Variants in GRK3 observed in about 807,000 individuals in gnomAD.
GRK3 encodes adrenergic, beta, receptor kinase 2.
GRK3 carries 54 observed loss-of-function variants against 95.7 expected under a neutral mutation model. The ratio of observed to expected loss-of-function variants is 0.56; its 90% CI spans 0.45 to 0.71. The LOEUF (loss-of-function observed/expected upper bound fraction) is 0.71. Ranked by LOEUF, GRK3 falls within the 30% of genes least tolerant of loss-of-function variation. GRK3 has a pLI of 0.00. For missense variants in GRK3, 649 were observed against 851.2 expected (o/e 0.76, Z 2.96); for synonymous variants, 281 against 290.8 (o/e 0.97, Z 0.34).
At chr22:25,636,781 A>G (rs910231957) in intron 2 of GRK3, among the ~76,000 whole-genome samples, 30 of 152,110 alleles carry the variant, frequency 2.0e-4, no homozygotes, top group Admixed American at 6.6e-5. Context: ...TGCCTGTTCT[A>G]GAATGTATAT....
chr22:25,698,030 T>G (rs950210880), intron 13 of GRK3, among the ~76,000 whole-genome samples: 1 of 150,888 alleles, frequency 6.6e-6, no homozygotes. Context: ...AAGAGACTGC[T>G]TGATGCTGTG....
At position 25,672,922 on chromosome 22, in the gene GRK3, C is replaced by T. The variant is rs183645719; in HGVS notation, c.555+575C>T. Among the ~76,000 whole-genome samples, 3 of 152,004 alleles carry T rather than the reference C, an allele frequency of 2.0e-5. No individual in the cohort carries two copies. The East Asian group carries it at 5.8e-4, about 29-fold the overall frequency. ...ATCCTTATTGCAGTTTGAAAATGCA[C>T]ACATTTCTTTGCACAGTCTTTCTTA... On this transcript the variant is annotated intron_variant, in intron 7 of 20. Transcript: ENST00000324198.
intron 2 of GRK3, among the ~76,000 whole-genome samples, chr22:25,607,741 T>A (rs1286114763): frequency 3.4e-5 from 5 of 147,748 alleles, no homozygotes; most frequent in Non-Finnish European, 7.4e-5. Flanking sequence ...CATACCCAGC[T>A]AATTTTTTTT....
chr22:25,655,202 C>T (rs1197670087), intron 3 of GRK3, among the ~76,000 whole-genome samples: 2 of 152,102 alleles, frequency 1.3e-5, no homozygotes, highest in East Asian at 3.9e-4. Flanking sequence ...TTACCCATTT[C>T]CCATGTTAAA....
intron 17 of GRK3, among the ~76,000 whole-genome samples, chr22:25,712,494 G>A (rs1309496994): frequency 6.6e-6 from 1 of 152,246 alleles, no homozygotes; most frequent in East Asian, 1.9e-4. Flanking sequence ...CTGTCCGTCA[G>A]AGTACTAAAA....
chr22:25,668,917 T>C (rs738342), intron 6 of GRK3, among the ~76,000 whole-genome samples: 2,404 of 152,280 alleles, frequency 0.016, 32 homozygotes, highest in Middle Eastern at 0.065. Flanking sequence ...CTCACAGATA[T>C]AGTGATTTTC....
chr22:25,665,583 A>C lies in GRK3; in HGVS notation c.441+1879A>C, dbSNP rs548213087. ...GTTTTGTTCATTAAAAAAATAGTCA[A>C]AATTTTCTGGCTAAACAGATATAGA... On this transcript the variant is annotated intron_variant, in intron 5 of 20. Coordinates refer to ENST00000324198, the MANE Select transcript of GRK3 (RefSeq NM_005160.4). Among the ~76,000 whole-genome samples, 106 of 152,242 alleles carry C rather than the reference A, an allele frequency of 7.0e-4. 1 individual carries two copies. In the South Asian group the frequency reaches 0.012, roughly 18 times the overall value.
At chr22:25,581,539 C>T (rs562992393) in intron 1 of GRK3, among the ~76,000 whole-genome samples, 2 of 152,130 alleles carry the variant, frequency 1.3e-5, no homozygotes, top group East Asian at 3.9e-4. Context: ...TACAAAGATG[C>T]GGGTAGAGTT....
intron 13 of GRK3, among the ~76,000 whole-genome samples, chr22:25,698,996 G>A (rs10483122): frequency 0.16 from 23,758 of 152,108 alleles, 5,209 homozygotes; most frequent in African/African-American, 0.5. Context: ...GGAGAATAAC[G>A]ATGTCATTAC....
chr22:25,727,227 A>G lies in GRK3; in HGVS notation c.*4777A>G, dbSNP rs1380642163. ...AGATTTAACATGATTTTTCCCTCCT[A>G]TGTAAAGTTTACTGGAGAGACTTGA... is the stretch of plus-strand genomic sequence containing the variant. On this transcript the variant is annotated 3_prime_UTR_variant, in exon 21 of 21. Coordinates refer to ENST00000324198, the MANE Select transcript of GRK3 (RefSeq NM_005160.4). 6.6e-6 allele frequency: 1 copy of G among 152,094 alleles called. No individual in the cohort carries two copies. Among genetic ancestry groups the G allele is most frequent in the Admixed American group, 6.6e-5 (1 of 15,262 alleles). 9.4% of individuals were successfully genotyped at this position (152,094 alleles called of 1,614,324 possible). A position where few individuals can be genotyped will look rare whatever the true frequency, so the allele number is the denominator to read the frequency against.
At chr22:25,578,747 G>A (rs768476012) in intron 1 of GRK3, among the ~76,000 whole-genome samples, 8 of 152,094 alleles carry the variant, frequency 5.3e-5, no homozygotes, top group Non-Finnish European at 1.2e-4. Flanking sequence ...CAAGGAAATG[G>A]CCTGTCCCTT....
At chr22:25,623,109 T>G (rs2084598976) in intron 2 of GRK3, among the ~76,000 whole-genome samples, 1 of 152,010 alleles carries the variant, frequency 6.6e-6, no homozygotes, top group African/African-American at 2.4e-5. Flanking sequence ...ATGTGGCTAA[T>G]TTTTGTATTT....
At chr22:25,696,665 C>T (rs2085211398) in intron 13 of GRK3, among the ~76,000 whole-genome samples, 1 of 152,238 alleles carries the variant, frequency 6.6e-6, no homozygotes, top group African/African-American at 2.4e-5. Context: ...CTGAGCACCA[C>T]TGCATCTTAC....
rs2084927375 is a variant in GRK3 at position 25,664,290 on chromosome 22, T to G, written c.441+586T>G. On this transcript the variant is annotated intron_variant, in intron 5 of 20. Coordinates refer to ENST00000324198, the MANE Select transcript of GRK3 (RefSeq NM_005160.4). ...CATTCCTTAGATGAGGTGGTTTCAC[T>G]TCCTCCCAAAAGCCTTTTCCATCCT... 3.9e-5 allele frequency among the ~76,000 whole-genome samples: 6 copies of G among 152,202 alleles called. No homozygotes were observed. In the South Asian group the frequency reaches 1.2e-3, roughly 32 times the overall value.
intron 19 of GRK3, 82 bp downstream of exon 19, chr22:25,718,463 A>G: frequency 6.9e-7 from 1 of 1,445,418 alleles, no homozygotes; most frequent in Admixed American, 1.9e-5. Context: ...GACATGTTTT[A>G]TACACTATCC....
chr22:25,610,507 C>A (rs1231853262), intron 2 of GRK3, among the ~76,000 whole-genome samples: 1 of 152,152 alleles, frequency 6.6e-6, no homozygotes, highest in East Asian at 1.9e-4. Context: ...ATATACCATT[C>A]ACCCATTGTA....
intron 2 of GRK3, among the ~76,000 whole-genome samples, chr22:25,637,100 G>C (rs1245824017): frequency 6.6e-6 from 1 of 152,154 alleles, no homozygotes; most frequent in Non-Finnish European, 1.5e-5. Context: ...CTCTTTTTGA[G>C]CTTGGGCATC....
intron 8 of GRK3, among the ~76,000 whole-genome samples, chr22:25,675,104 A>G (rs926664628): frequency 3.9e-5 from 6 of 152,118 alleles, no homozygotes; most frequent in African/African-American, 1.4e-4. Context: ...CCAGAGGTGA[A>G]CTAGAAGGGA....
At chr22:25,635,861 C>A (rs1408617363) in intron 2 of GRK3, among the ~76,000 whole-genome samples, 1 of 152,244 alleles carries the variant, frequency 6.6e-6, no homozygotes, top group Non-Finnish European at 1.5e-5. Context: ...CATCAGTTTT[C>A]TGACTCCATC....
Sources: gnomAD v4.1 joint callset for allele counts (sites outside exome capture counted in the v4.1 genomes callset) on GRCh38, gnomAD v4.1.1 for gene constraint, MANE v1.5 for transcripts, NCBI Gene and HGNC (gene_info 2026-07-23, HGNC 2026-07-21) for gene names.